TUSC3: variants seen among roughly 807,000 people sequenced by gnomAD.
TUSC3 encodes dolichyl-diphosphooligosaccharide--protein glycosyltransferase subunit TUSC3.
Under a neutral mutation model 44.8 loss-of-function variants are expected in TUSC3, and 45 were observed. The ratio of observed to expected loss-of-function variants is 1.00; its 90% CI spans 0.79 to 1.29. The LOEUF (loss-of-function observed/expected upper bound fraction) is 1.29, where lower values mean the gene tolerates loss of function less well. Ranked by LOEUF, TUSC3 falls within the 50% of genes most tolerant of loss-of-function variation. The pLI, the probability that TUSC3 is intolerant of heterozygous loss-of-function variation, is 0.00. For synonymous variants in TUSC3, 212 were observed against 152.9 expected (o/e 1.39, Z -2.85); for missense variants, 519 against 437.9 (o/e 1.19, Z -1.65).
upstream of TUSC3, among the ~76,000 whole-genome samples, chr8:15,535,339 G>T (rs1037616840): frequency 2.0e-5 from 3 of 152,174 alleles, no homozygotes; most frequent in Non-Finnish European, 2.9e-5. Flanking sequence ...GAACCTAGTA[G>T]AGTGTCACTG....
chr8:15,694,801 G>A (rs774067336), intron 6 of TUSC3, among the ~76,000 whole-genome samples: 2 of 152,110 alleles, frequency 1.3e-5, no homozygotes, highest in East Asian at 1.9e-4. Flanking sequence ...ACTGGAGGGG[G>A]TGAGTTGTTC....
intron 6 of TUSC3, chr8:15,689,157 C>G: frequency 2.5e-6 from 1 of 406,934 alleles, no homozygotes; most frequent in Non-Finnish European, 4.9e-6. Context: ...TTTTTCTTTC[C>G]ACTCTGCTTC....
At position 15,519,200 on chromosome 8, in the gene TUSC3, A is replaced by G. The variant is rs76495010; in HGVS notation, n.189+35717A>G. Among the ~76,000 whole-genome samples, 632 of 152,272 alleles carry G rather than the reference A, an allele frequency of 4.2e-3. 5 individuals are homozygous for G. Among genetic ancestry groups the G allele is most frequent in the African/African-American group, 0.014 (596 of 41,562 alleles). The stretch of plus-strand genomic sequence containing the variant: ...ATTTTGAGAATAATGATCATGTTTT[A>G]TTCTCTTATTTGGCTAATTTCAGGA... On this transcript the variant is annotated intron_variant and non_coding_transcript_variant, in intron 2 of 5. Transcript: ENST00000503191.
intron 1 of TUSC3, among the ~76,000 whole-genome samples, chr8:15,449,902 C>T (rs112230745): frequency 5.3e-4 from 81 of 152,024 alleles, no homozygotes; most frequent in African/African-American, 1.8e-3. Flanking sequence ...CATTGTGTTA[C>T]GATTGCCTGT....
intron 1 of TUSC3, among the ~76,000 whole-genome samples, chr8:15,468,528 A>C (rs1303719101): frequency 6.6e-6 from 1 of 152,152 alleles, no homozygotes; most frequent in Non-Finnish European, 1.5e-5. Context: ...CACTCTGTCA[A>C]ATTAGCATGA....
At chr8:15,432,519 C>G (rs2410248) in intron 1 of TUSC3, among the ~76,000 whole-genome samples, 24,680 of 152,048 alleles carry the variant, frequency 0.16, 2,069 homozygotes, top group Middle Eastern at 0.23. Context: ...GATGCTTGCT[C>G]TCTCTGTTCT....
intron 6 of TUSC3, among the ~76,000 whole-genome samples, chr8:15,712,678 T>C (rs377465828): frequency 1.3e-5 from 2 of 152,088 alleles, no homozygotes; most frequent in South Asian, 2.1e-4. Flanking sequence ...CTGCCTACTT[T>C]GCTGCTGCTT....
intron 7 of TUSC3, among the ~76,000 whole-genome samples, chr8:15,731,299 C>T (rs1416407729): frequency 6.6e-6 from 1 of 152,074 alleles, no homozygotes; most frequent in Non-Finnish European, 1.5e-5. Flanking sequence ...TAAGGTTAAG[C>T]ATCTAATGTG....
chr8:15,728,946 T>G (rs1488879890), intron 6 of TUSC3, among the ~76,000 whole-genome samples: 2 of 152,114 alleles, frequency 1.3e-5, no homozygotes, highest in Non-Finnish European at 2.9e-5. Flanking sequence ...AAGCAGATTT[T>G]TCAGGTAGAT....
chr8:15,675,174 T>C lies in TUSC3; in HGVS notation c.798+1338T>C, dbSNP rs79515598. 4.3e-3 allele frequency among the ~76,000 whole-genome samples: 652 copies of C among 152,294 alleles called. 5 individuals carry two copies. The highest frequency in any genetic ancestry group is 0.015 in the African/African-American group (617 of 41,588). On this transcript the variant is annotated intron_variant, in intron 6 of 10. Transcript: ENST00000503731. ...TTATCAGGTTTTGTCACTGATACAT[T>C]TCTGTTACATAAAGAAGGGCCTGAT...
intron 1 of TUSC3, among the ~76,000 whole-genome samples, chr8:15,621,681 C>G (rs1229777535): frequency 1.4e-5 from 2 of 147,798 alleles, no homozygotes; most frequent in African/African-American, 4.9e-5. Flanking sequence ...ATATATAAAT[C>G]TATATATGTA....
At chr8:15,566,017 G>A (rs1279214368) in intron 1 of TUSC3, among the ~76,000 whole-genome samples, 2 of 152,244 alleles carry the variant, frequency 1.3e-5, no homozygotes, top group Non-Finnish European at 2.9e-5. Context: ...CGCTTATGAT[G>A]TATTTAAACA....
At position 15,656,441 on chromosome 8, in the gene TUSC3, A is replaced by C. The variant is rs184106347; in HGVS notation, c.427-3066A>C. Among the ~76,000 whole-genome samples the C allele has an allele frequency of 4.7e-3, 719 of 152,330 alleles. 24 individuals carry two copies. The highest frequency in any genetic ancestry group is 0.031 in the Admixed American group (480 of 15,302). On this transcript the variant is annotated intron_variant, in intron 3 of 10. Transcript: ENST00000503731. ...AAAAGGGAGAAATAGGCAAGAAAAG[A>C]AAAAGGGGTAACTGGCTCCAAGTAA...
rs1424977896 is a variant in TUSC3, at chr8:15,730,731, T to G, written c.862+2T>G. ...AATCACACATTATTCTGGTACTGAGTATCCTTTTAAGATACCGACGAATTG... is the reference window on the plus strand; with the variant it reads ...AATCACACATTATTCTGGTACTGAGGATCCTTTTAAGATACCGACGAATTG... On this transcript the variant is annotated splice_donor_variant, in intron 7 of 10. Transcript: ENST00000503731. LOFTEE classifies it high-confidence loss of function. The G allele has an allele frequency of 1.2e-6, 2 of 1,612,862 alleles. No individual in the cohort carries two copies. The highest frequency in any genetic ancestry group is 2.2e-5 in the East Asian group (1 of 44,768).
intron 2 of TUSC3, among the ~76,000 whole-genome samples, chr8:15,531,931 A>G (rs1429941026): frequency 3.9e-5 from 6 of 152,204 alleles, no homozygotes; most frequent in Admixed American, 6.5e-5. Flanking sequence ...AACTGTCATG[A>G]AATTGTCTTG....
chr8:15,485,308 C>T (rs985620271), intron 2 of TUSC3, among the ~76,000 whole-genome samples: 10 of 152,138 alleles, frequency 6.6e-5, no homozygotes, highest in African/African-American at 2.4e-4. Context: ...AATTTCACTT[C>T]CAGGGTTCAT....
chr8:15,722,182 G>A (rs1460046815), intron 6 of TUSC3, among the ~76,000 whole-genome samples: 1 of 151,322 alleles, frequency 6.6e-6, no homozygotes, highest in Non-Finnish European at 1.5e-5. Context: ...CGGAGGGGCA[G>A]CTATCGTGAA....
At chr8:15,768,789 T>A (rs904328064), downstream of TUSC3, among the ~76,000 whole-genome samples, 14 of 151,638 alleles carry the variant, frequency 9.2e-5, no homozygotes, top group African/African-American at 3.4e-4. Flanking sequence ...AATTTCTATA[T>A]CCCAATAACA....
At chr8:15,757,048 A>G (rs1051867557) in intron 9 of TUSC3, among the ~76,000 whole-genome samples, 1 of 152,126 alleles carries the variant, frequency 6.6e-6, no homozygotes, top group Non-Finnish European at 1.5e-5. Flanking sequence ...AGGTGGAAAT[A>G]TCACTCGAGC....
Sources: allele counts gnomAD v4.1 joint callset (sites outside exome capture counted in the v4.1 genomes callset), GRCh38; gene constraint gnomAD v4.1.1; transcripts MANE v1.5; gene names NCBI Gene and HGNC (gene_info 2026-07-23, HGNC 2026-07-21).